The following SCAI variants were observed in gnomAD, a reference collection of about 807,000 sequenced individuals.
The protein encoded by SCAI is protein SCAI.
A neutral mutation model predicts 92.2 loss-of-function variants in SCAI; 24 were observed. The observed-to-expected ratio is 0.26, with a 90% CI of 0.19 to 0.37. The LOEUF is 0.37. Ranked by LOEUF, SCAI falls within the 10% of genes least tolerant of loss-of-function variation. SCAI has a pLI of 1.00. For synonymous variants in SCAI, 261 were observed against 258.6 expected (o/e 1.01, Z -0.09); for missense variants, 450 against 736.2 (o/e 0.61, Z 4.50).
chr9:124,971,681 T>A lies in SCAI; in HGVS notation c.1563A>T (p.Ser521=). 1 of 1,604,212 alleles carries A rather than the reference T, an allele frequency of 6.2e-7. No homozygotes were observed. Among genetic ancestry groups the A allele is most frequent in the Non-Finnish European group, 8.5e-7 (1 of 1,176,604 alleles). Residue 521 remains serine (S), a synonymous_variant, in exon 16 of 18, where the codon TCA becomes TCT. Transcript: ENST00000336505. The part of the protein sequence containing the change: ...NRDIAQLLTH[S]RSIDQAFLQF... The stretch of plus-strand genomic sequence containing the variant: ...AGATTAGGAGGGTACCTATTGAACG[T>A]GAATGAGTCAGTAGCTGGGCAATAT...
chr9:125,102,055 G>A (rs1834690384), intron 2 of SCAI, among the ~76,000 whole-genome samples: 1 of 152,146 alleles, frequency 6.6e-6, no homozygotes, highest in Non-Finnish European at 1.5e-5. Flanking sequence ...TGATGTGGGT[G>A]CTGTCCTGTG....
chr9:125,141,628 A>G (rs1380881506), intron 2 of SCAI, among the ~76,000 whole-genome samples: 1 of 152,254 alleles, frequency 6.6e-6, no homozygotes, highest in Admixed American at 6.5e-5. Flanking sequence ...CACAGTGTCC[A>G]ACGACAAAAG....
At chr9:125,078,967 C>G (rs188614986) in intron 2 of SCAI, among the ~76,000 whole-genome samples, 4 of 152,206 alleles carry the variant, frequency 2.6e-5, no homozygotes, top group Admixed American at 2.6e-4. Flanking sequence ...TGGTAGTTTC[C>G]TCTATTTTCG....
At chr9:124,957,741 G>A (rs1008085795) in intron 17 of SCAI, among the ~76,000 whole-genome samples, 9 of 150,836 alleles carry the variant, frequency 6.0e-5, no homozygotes, top group Non-Finnish European at 1.2e-4. Context: ...GAGTGCAATG[G>A]CACGACCTCG....
At chr9:125,138,180 T>C (rs1205736678) in intron 2 of SCAI, among the ~76,000 whole-genome samples, 3 of 152,162 alleles carry the variant, frequency 2.0e-5, no homozygotes, top group Non-Finnish European at 4.4e-5. Flanking sequence ...TAAAATTTAT[T>C]GTGTACCTTC....
intron 17 of SCAI, among the ~76,000 whole-genome samples, chr9:124,959,108 T>C (rs1588115568): frequency 6.6e-6 from 1 of 151,806 alleles, no homozygotes; most frequent in African/African-American, 2.4e-5. Context: ...TGTCCATGTG[T>C]TCTCATTGTT....
At chr9:125,108,262 G>A (rs1320210528) in intron 2 of SCAI, among the ~76,000 whole-genome samples, 11 of 152,214 alleles carry the variant, frequency 7.2e-5, no homozygotes, top group Non-Finnish European at 1.3e-4. Context: ...ACCCCGTCTG[G>A]GAAGTGAGGA....
At chr9:125,084,720 A>G (rs1437731541) in intron 2 of SCAI, among the ~76,000 whole-genome samples, 2 of 152,214 alleles carry the variant, frequency 1.3e-5, no homozygotes, top group Admixed American at 6.5e-5. Context: ...TCATCAAAGC[A>G]GTGCTAATGG....
intron 2 of SCAI, among the ~76,000 whole-genome samples, chr9:125,083,936 AG>A (rs1834270100): frequency 6.6e-6 from 1 of 152,082 alleles, no homozygotes; most frequent in African/African-American, 2.4e-5. Context: ...GGAGTAGGCG[AG>A]GTGAAGCTTG....
intron 15 of SCAI, chr9:124,975,351 T>A: frequency 2.2e-6 from 1 of 456,690 alleles, no homozygotes; most frequent in Non-Finnish European, 4.4e-6. Flanking sequence ...GGCTGGGAAG[T>A]AGCAGTAAAA....
At chr9:125,106,144 T>TATATATATATATATAC (rs1564415402) in intron 2 of SCAI, among the ~76,000 whole-genome samples, 1 of 108,662 alleles carries the variant, frequency 9.2e-6, no homozygotes, top group Non-Finnish European at 1.9e-5. Context: ...TATATATATA[T>TATATATATATATATAC]ATATATATAT....
At chr9:125,042,664 C>CACACACACAT (rs139156398) in intron 3 of SCAI, among the ~76,000 whole-genome samples, 4,833 of 129,222 alleles carry the variant, frequency 0.037, 137 homozygotes, top group Non-Finnish European at 0.052. Context: ...CACACACACA[C>CACACACACAT]ACATATACAA....
chr9:124,993,199 A>T (rs773674884), intron 14 of SCAI, among the ~76,000 whole-genome samples: 1 of 152,276 alleles, frequency 6.6e-6, no homozygotes. Flanking sequence ...CTCTGGCTTT[A>T]TAAGTTTAAT....
chr9:125,017,588 A>G (rs1357581107), intron 9 of SCAI, among the ~76,000 whole-genome samples: 1 of 152,234 alleles, frequency 6.6e-6, no homozygotes, highest in Non-Finnish European at 1.5e-5. Context: ...TAAAAAACAC[A>G]TCTAGAAAAA....
chr9:125,050,531 C>T (rs181899817), intron 3 of SCAI, among the ~76,000 whole-genome samples: 17 of 152,280 alleles, frequency 1.1e-4, no homozygotes, highest in Non-Finnish European at 1.8e-4. Context: ...AAAGACAGCC[C>T]TTTATAATCA....
intron 9 of SCAI, among the ~76,000 whole-genome samples, chr9:125,012,118 A>G (rs1378091077): frequency 2.0e-5 from 3 of 152,370 alleles, no homozygotes; most frequent in Non-Finnish European, 4.4e-5. Flanking sequence ...AAGAAACTGC[A>G]TCAACTAACG....
At chr9:125,118,535 T>TAAATAAAG (rs1256776705) in intron 2 of SCAI, among the ~76,000 whole-genome samples, 2 of 151,778 alleles carry the variant, frequency 1.3e-5, no homozygotes, top group East Asian at 1.9e-4. Context: ...AATAAATAAA[T>TAAATAAAG]AAAGCATAAT....
In SCAI at chr9:124,946,964, C is replaced by A. The variant is rs559549003; in HGVS notation, c.*5843G>T. 6.6e-6 allele frequency: 1 copy of A among 152,250 alleles called. No individual in the cohort carries two copies. The highest frequency in any genetic ancestry group is 1.5e-5 in the Non-Finnish European group (1 of 68,000). 9.4% of individuals were successfully genotyped at this position (152,250 alleles called of 1,614,324 possible). The stretch of plus-strand genomic sequence containing the variant: ...ATTAATCATAGCTGCTGCAAATATA[C>A]AAATTAACAACCTCCCGTTCCTCAC... On this transcript the variant is annotated 3_prime_UTR_variant, in exon 18 of 18. Transcript: ENST00000336505. The surrounding 1 kb of genome is among the most constrained non-coding windows in gnomAD (Gnocchi z 4.0).
At chr9:125,059,202 T>C (rs1833727381) in intron 2 of SCAI, among the ~76,000 whole-genome samples, 1 of 152,214 alleles carries the variant, frequency 6.6e-6, no homozygotes. Flanking sequence ...GTACTGTTCC[T>C]GTCAAAGTTC....
Sources: gnomAD v4.1 joint callset for allele counts (sites outside exome capture counted in the v4.1 genomes callset) on GRCh38, gnomAD v4.1.1 for gene constraint, Gnocchi (gnomAD v3.1) non-coding constraint, MANE v1.5 for transcripts, NCBI Gene and HGNC (gene_info 2026-07-23, HGNC 2026-07-21) for gene names.